The following FOXJ3 variants were observed in gnomAD, a reference collection of about 807,000 sequenced individuals.
The protein encoded by FOXJ3 is forkhead box J3.
Under a neutral mutation model 76.1 loss-of-function variants are expected in FOXJ3, and 22 were observed. That is an observed-to-expected ratio of 0.29 (90% CI 0.21 to 0.41). The LOEUF is 0.41. Among genes scored for constraint, FOXJ3 ranks in the 10% least tolerant of loss-of-function variants. FOXJ3 has a pLI of 1.00. For synonymous variants in FOXJ3, 269 were observed against 261.2 expected, an observed-to-expected ratio of 1.03 and a Z score of -0.29; for missense variants, 613 against 762.1, an observed-to-expected ratio of 0.80 and a Z score of 2.30.
intron 1 of FOXJ3, among the ~76,000 whole-genome samples, chr1:42,325,123 T>C (rs577797032): frequency 6.6e-6 from 1 of 152,272 alleles, no homozygotes; most frequent in African/African-American, 2.4e-5. Flanking sequence ...GTATAGAGGA[T>C]AAGAGTCAAA....
At chr1:42,268,494 G>C (rs183688384) in intron 3 of FOXJ3, among the ~76,000 whole-genome samples, 244 of 151,942 alleles carry the variant, frequency 1.6e-3, no homozygotes, top group African/African-American at 5.6e-3. Flanking sequence ...AACAGTGCCG[G>C]AAATGGTAAA....
At chr1:42,204,231 C>T (rs1258338574) in intron 6 of FOXJ3, among the ~76,000 whole-genome samples, 2 of 152,010 alleles carry the variant, frequency 1.3e-5, no homozygotes, top group East Asian at 1.9e-4. Flanking sequence ...GCTCCTGACC[C>T]CTGAAGCCCT....
At chr1:42,322,482 G>A (rs1343331471) in intron 1 of FOXJ3, among the ~76,000 whole-genome samples, 1 of 151,834 alleles carries the variant, frequency 6.6e-6, no homozygotes, top group Non-Finnish European at 1.5e-5. Flanking sequence ...GGCATATGTG[G>A]CACCTATCTT....
In FOXJ3 at chr1:42,328,676, ATTTTTTT is replaced by A. The variant is rs35507698; in HGVS notation, c.-18+6376_-18+6382del. ...CATATCACATATTCATACTTATCCT[ATTTTTTT>A]TTTTTTTTTTTTTTGAGACAATGTC... On this transcript the variant is annotated intron_variant, in intron 1 of 12. Transcript: ENST00000361346. 4.3e-5 allele frequency among the ~76,000 whole-genome samples: 5 copies of A among 115,114 alleles called. No individual in the cohort carries two copies. The East Asian group carries it at 9.7e-4, about 22-fold the overall frequency. The allele number at this position is 115,114 out of a possible 152,430, so 75.5% of individuals were successfully genotyped here. A position where few individuals can be genotyped will look rare whatever the true frequency, so the allele number is the denominator to read the frequency against.
At chr1:42,279,576 A>G (rs1652544250) in intron 2 of FOXJ3, among the ~76,000 whole-genome samples, 1 of 152,186 alleles carries the variant, frequency 6.6e-6, no homozygotes. Flanking sequence ...AGAAAACTAA[A>G]TCTGCCAGGT....
At chr1:42,180,171 C>T (rs953913021) in intron 12 of FOXJ3, among the ~76,000 whole-genome samples, 47 of 152,264 alleles carry the variant, frequency 3.1e-4, no homozygotes, top group Non-Finnish European at 1.3e-4. Context: ...TGCTCCAATA[C>T]GTTGTTTCAG....
chr1:42,251,232 A>T (rs1261306144), intron 4 of FOXJ3, among the ~76,000 whole-genome samples: 1 of 152,172 alleles, frequency 6.6e-6, no homozygotes, highest in Non-Finnish European at 1.5e-5. Flanking sequence ...ATATAGAAGA[A>T]TAAAAATAAG....
At chr1:42,259,161 A>G (rs775631947) in intron 4 of FOXJ3, among the ~76,000 whole-genome samples, 22 of 152,222 alleles carry the variant, frequency 1.4e-4, no homozygotes, top group Non-Finnish European at 2.4e-4. Flanking sequence ...GCCATGTACT[A>G]TATGAGTCCC....
chr1:42,312,073 G>C (rs889851244), intron 1 of FOXJ3, among the ~76,000 whole-genome samples: 2 of 152,184 alleles, frequency 1.3e-5, no homozygotes, highest in African/African-American at 4.8e-5. Context: ...CAACTGAAGA[G>C]AGCAAGTTCA....
intron 10 of FOXJ3, 51 bp downstream of exon 10, chr1:42,189,252 G>GA: frequency 9.0e-7 from 1 of 1,107,452 alleles, no homozygotes; most frequent in South Asian, 1.3e-5. Context: ...ATCTAGCAGA[G>GA]AAACAGGATC....
At chr1:42,242,205 A>G (rs1238139893) in intron 4 of FOXJ3, among the ~76,000 whole-genome samples, 4 of 149,270 alleles carry the variant, frequency 2.7e-5, no homozygotes, top group Non-Finnish European at 6.0e-5. Context: ...AAGAAATGTG[A>G]AAAAAAAAAT....
At chr1:42,307,134 TC>T (rs1251344952) in intron 2 of FOXJ3, among the ~76,000 whole-genome samples, 1 of 152,198 alleles carries the variant, frequency 6.6e-6, no homozygotes, top group East Asian at 1.9e-4. Context: ...AAGAGCCATT[TC>T]CCCAGCAAAG....
At chr1:42,266,356 C>G (rs1651463791) in intron 3 of FOXJ3, among the ~76,000 whole-genome samples, 1 of 151,900 alleles carries the variant, frequency 6.6e-6, no homozygotes, top group Non-Finnish European at 1.5e-5. Flanking sequence ...CCTAGGTAAG[C>G]TTTAAAAAAA....
intron 2 of FOXJ3, among the ~76,000 whole-genome samples, chr1:42,291,079 T>TAGACAGACAGACAGACAGACAGAC (rs56772390): frequency 4.9e-4 from 61 of 125,654 alleles, no homozygotes; most frequent in East Asian, 1.4e-3. Context: ...GATAGATAGA[T>TAGACAGACAGACAGACAGACAGAC]AGATAGACAG....
chr1:42,211,815 T>C (rs1168368676), intron 5 of FOXJ3, among the ~76,000 whole-genome samples: 3 of 152,042 alleles, frequency 2.0e-5, no homozygotes, highest in African/African-American at 4.8e-5. Context: ...CATATAGAGT[T>C]TTCACCAGGG....
chr1:42,184,628 G>A (rs1646397489), intron 11 of FOXJ3, among the ~76,000 whole-genome samples: 1 of 152,076 alleles, frequency 6.6e-6, no homozygotes, highest in African/African-American at 2.4e-5. Flanking sequence ...TTTCGGGTGT[G>A]TATTCTTGGG....
chr1:42,242,955 C>CTGT (rs1553161962), intron 4 of FOXJ3, among the ~76,000 whole-genome samples: 1 of 151,668 alleles, frequency 6.6e-6, no homozygotes, highest in African/African-American at 2.4e-5. Context: ...AAAAACTAGT[C>CTGT]TATTATAAGA....
intron 5 of FOXJ3, 40 bp downstream of exon 5, chr1:42,227,843 T>C (rs1052319827): frequency 1.3e-5 from 14 of 1,105,746 alleles, no homozygotes; most frequent in Non-Finnish European, 1.7e-5. Context: ...TTCAGACATA[T>C]TCAATGCATT....
rs142544579 is a variant in FOXJ3 at position 42,241,077 on chromosome 1, T to G, written c.445-13111A>C. On this transcript the variant is annotated intron_variant, in intron 4 of 12. Coordinates refer to ENST00000361346, the MANE Select transcript of FOXJ3 (RefSeq NM_014947.5). ...GCAGGCTGCCAGCTCAGCTGGAATC[T>G]TGGAGAGGCTGCCCACTGTGGGAAA... 4.1e-3 allele frequency among the ~76,000 whole-genome samples: 630 copies of G among 152,266 alleles called. 3 individuals are homozygous for G. The highest frequency in any genetic ancestry group is 0.014 in the African/African-American group (587 of 41,550).
Sources: gnomAD v4.1 joint callset for allele counts (sites outside exome capture counted in the v4.1 genomes callset) on GRCh38, gnomAD v4.1.1 for gene constraint, MANE v1.5 for transcripts, NCBI Gene and HGNC (gene_info 2026-07-23, HGNC 2026-07-21) for gene names.